MSI2: variants seen among roughly 807,000 people sequenced by gnomAD.
MSI2 encodes RNA-binding protein Musashi homolog 2.
Under a neutral mutation model 45.6 loss-of-function variants are expected in MSI2, and 17 were observed. That is an observed-to-expected ratio of 0.37 (90% confidence interval 0.26 to 0.56). The LOEUF (loss-of-function observed/expected upper bound fraction) is 0.56. Ranked by LOEUF, MSI2 falls within the 20% of genes least tolerant of loss-of-function variation. The pLI is 0.77. For missense variants in MSI2, 293 were observed against 444.2 expected, an observed-to-expected ratio of 0.66 and a Z score of 3.06; for synonymous variants, 156 against 158.2, an observed-to-expected ratio of 0.99 and a Z score of 0.11.
intron 5 of MSI2, chr17:57,285,955 A>G (rs1251459400): frequency 1.3e-6 from 2 of 1,534,728 alleles, no homozygotes; most frequent in Non-Finnish European, 1.7e-6. Context: ...TTTTTATTCA[A>G]CATGGATGGA....
chr17:57,483,829 C>G (rs2143764628), intron 6 of MSI2, among the ~76,000 whole-genome samples: 1 of 152,254 alleles, frequency 6.6e-6, no homozygotes, highest in South Asian at 2.1e-4. Context: ...ATAGGAAGCC[C>G]CCAGGCAGCA....
At chr17:57,276,926 A>G (rs746631271) in intron 5 of MSI2, among the ~76,000 whole-genome samples, 10 of 152,140 alleles carry the variant, frequency 6.6e-5, no homozygotes, top group Non-Finnish European at 1.2e-4. Context: ...GACCAGAGAC[A>G]GTGAGTGAGC....
intron 6 of MSI2, chr17:57,448,657 G>A (rs1401124185): frequency 6.6e-6 from 1 of 152,266 alleles, no homozygotes; most frequent in Non-Finnish European, 1.5e-5. Flanking sequence ...AGGTATGCTG[G>A]TTCCTGGGCC....
chr17:57,644,633 A>C (rs557712764), intron 10 of MSI2, among the ~76,000 whole-genome samples: 5 of 152,212 alleles, frequency 3.3e-5, no homozygotes, highest in African/African-American at 1.2e-4. Flanking sequence ...GATTCGGTGA[A>C]GCAACATTGG....
chr17:57,675,472 T>C (rs1913159853), intron 12 of MSI2, among the ~76,000 whole-genome samples: 1 of 152,186 alleles, frequency 6.6e-6, no homozygotes, highest in Non-Finnish European at 1.5e-5. Flanking sequence ...CAAAAGATTG[T>C]GGGAGGATTA....
rs141850380 is a variant in MSI2, at chr17:57,530,758, T to G, written c.454+1034T>G. 2.4e-3 allele frequency among the ~76,000 whole-genome samples: 362 copies of G among 152,306 alleles called. 2 individuals are homozygous for G. The highest frequency in any genetic ancestry group is 8.4e-3 in the African/African-American group (351 of 41,564). On this transcript the variant is annotated intron_variant, in intron 7 of 13. Transcript: ENST00000284073. ...GTTACCCAGCACTGACTGTATGTCT[T>G]TCCTGTTTGGAGAAGGCAGAGTGAG...
At chr17:57,386,858 A>G (rs2083696433) in intron 5 of MSI2, among the ~76,000 whole-genome samples, 1 of 152,234 alleles carries the variant, frequency 6.6e-6, no homozygotes, top group African/African-American at 2.4e-5. Context: ...GTGTTGTTGG[A>G]CAAATGAGGT....
intron 6 of MSI2, among the ~76,000 whole-genome samples, chr17:57,412,455 C>T (rs184280976): frequency 1.3e-5 from 2 of 152,318 alleles, no homozygotes; most frequent in Admixed American, 6.5e-5. Flanking sequence ...CTTCTGGCTG[C>T]ATCAGTTCCT....
In MSI2 at chr17:57,627,668, C is replaced by T. The variant is rs937125380; in HGVS notation, c.727+365C>T. ...CTTTCACCCTCTACCACCCCTTGCC[C>T]GCCTCCCCGCTCCCTGTGTCCACCT... On this transcript the variant is annotated intron_variant, in intron 10 of 13. Transcript: ENST00000284073. This position sits in a 1 kb window ranked among gnomAD's most constrained non-coding sequence, Gnocchi z 4.6. The T allele has an allele frequency of 1.6e-4, 47 of 289,416 alleles. No homozygotes were observed. The highest frequency in any genetic ancestry group is 7.5e-4 in the African/African-American group (34 of 45,210). 17.9% of individuals were successfully genotyped at this position (289,416 alleles called of 1,614,324 possible).
At chr17:57,404,560 C>T (rs899801573) in intron 6 of MSI2, among the ~76,000 whole-genome samples, 18 of 152,140 alleles carry the variant, frequency 1.2e-4, no homozygotes, top group Non-Finnish European at 2.4e-4. Context: ...CTTCCTTTTC[C>T]TCCAAGTCTA....
At chr17:57,424,820 T>C (rs1567816092) in intron 6 of MSI2, among the ~76,000 whole-genome samples, 1 of 152,092 alleles carries the variant, frequency 6.6e-6, no homozygotes, top group Non-Finnish European at 1.5e-5. Flanking sequence ...GGACAGCCAG[T>C]GTCATCCCTT....
rs1426094387 is a variant in MSI2 at position 57,610,474 on chromosome 17, T to A, written c.538-5496T>A. On this transcript the variant is annotated intron_variant, in intron 8 of 13. Coordinates refer to ENST00000284073, the MANE Select transcript of MSI2 (RefSeq NM_138962.4). Reference sequence around the variant, plus strand: ...CTAAAAAAAAAAAAAATTCTACATATAGAGGGCTCAGGAGTGTGTGCAAAT... The same window carrying A: ...CTAAAAAAAAAAAAAATTCTACATAAAGAGGGCTCAGGAGTGTGTGCAAAT... Among the ~76,000 whole-genome samples the A allele has an allele frequency of 7.0e-5, 2 of 28,524 alleles. 1 individual carries two copies. The highest frequency in any genetic ancestry group is 1.3e-3 in the East Asian group (2 of 1,518). The allele number at this position is 28,524 out of a possible 152,430, so 18.7% of individuals were successfully genotyped here.
At chr17:57,548,973 A>C (rs990438239) in intron 7 of MSI2, among the ~76,000 whole-genome samples, 8 of 134,864 alleles carry the variant, frequency 5.9e-5, no homozygotes, top group African/African-American at 2.3e-4. Flanking sequence ...GGTTATTCTC[A>C]CAAGCCCTGG....
At chr17:57,597,268 T>A (rs929984814) in intron 8 of MSI2, among the ~76,000 whole-genome samples, 3 of 152,086 alleles carry the variant, frequency 2.0e-5, no homozygotes, top group African/African-American at 7.2e-5. Flanking sequence ...GCTTTGTTTA[T>A]GGACACCAAA....
chr17:57,516,943 T>C (rs2086481441), intron 6 of MSI2, among the ~76,000 whole-genome samples: 1 of 152,226 alleles, frequency 6.6e-6, no homozygotes, highest in Admixed American at 6.5e-5. Flanking sequence ...TGGACTCATA[T>C]CCTTTTTATC....
chr17:57,676,467 T>C (rs1913243520), intron 12 of MSI2, among the ~76,000 whole-genome samples: 1 of 152,196 alleles, frequency 6.6e-6, no homozygotes, highest in South Asian at 2.1e-4. Context: ...TAGGGGACCG[T>C]CTATCACCAC....
intron 5 of MSI2, among the ~76,000 whole-genome samples, chr17:57,383,136 G>A (rs954497406): frequency 1.3e-5 from 2 of 152,200 alleles, no homozygotes; most frequent in Admixed American, 1.3e-4. Context: ...TTAATGGCTG[G>A]ACAGGAAATG....
At chr17:57,338,000 G>A (rs2143770112) in intron 5 of MSI2, among the ~76,000 whole-genome samples, 1 of 152,176 alleles carries the variant, frequency 6.6e-6, no homozygotes, top group South Asian at 2.1e-4. Flanking sequence ...TTTTTAATTG[G>A]TGTGTAACGT....
intron 13 of MSI2, 148 bp from the exon 14 acceptor site, chr17:57,679,401 C>T (rs758302485): frequency 6.3e-5 from 15 of 238,278 alleles, no homozygotes; most frequent in South Asian, 1.6e-4. Context: ...GATTCTCGTG[C>T]GTATTCAATA....
Sources: gnomAD v4.1 joint callset for allele counts (sites outside exome capture counted in the v4.1 genomes callset) on GRCh38, gnomAD v4.1.1 for gene constraint, Gnocchi (gnomAD v3.1) non-coding constraint, MANE v1.5 for transcripts, NCBI Gene and HGNC (gene_info 2026-07-23, HGNC 2026-07-21) for gene names.